Variants in ATXN1 observed in about 807,000 individuals in gnomAD.
ATXN1 encodes ataxin 1, also known as ataxin-1.
In ATXN1, 8 loss-of-function variants were observed where a neutral mutation model predicts 56.4. The ratio of observed to expected loss-of-function variants is 0.14; its 90% CI spans 0.08 to 0.26. The LOEUF is 0.26. ATXN1 is among the 10% of genes least tolerant of loss of function. The probability of loss-of-function intolerance (pLI) is 1.00; values close to 1 mark genes in which losing one functional copy is unlikely to be tolerated. For synonymous variants in ATXN1, 514 were observed against 494.6 expected (o/e 1.04, Z -0.52); for missense variants, 987 against 1,106.5 (o/e 0.89, Z 1.53).
At chr6:16,656,150 G>C (rs1321812574) in intron 3 of ATXN1, among the ~76,000 whole-genome samples, 1 of 151,886 alleles carries the variant, frequency 6.6e-6, no homozygotes, top group East Asian at 1.9e-4. Context: ...TTGACCAAAG[G>C]GCTGGCTGTC....
chr6:16,744,062 G>A (rs1760438604), intron 2 of ATXN1, among the ~76,000 whole-genome samples: 1 of 152,130 alleles, frequency 6.6e-6, no homozygotes, highest in South Asian at 2.1e-4. Flanking sequence ...GCTTCAAAGA[G>A]GAAAAACATG....
At chr6:16,576,679 T>C (rs1240514495) in intron 4 of ATXN1, among the ~76,000 whole-genome samples, 1 of 152,366 alleles carries the variant, frequency 6.6e-6, no homozygotes, top group East Asian at 1.9e-4. Flanking sequence ...GTCTTTTCCA[T>C]GTAAGAGAGC....
intron 5 of ATXN1, among the ~76,000 whole-genome samples, chr6:16,509,420 C>T (rs542395865): frequency 3.3e-5 from 5 of 152,156 alleles, no homozygotes; most frequent in Non-Finnish European, 7.4e-5. Flanking sequence ...ACAAGGAAGG[C>T]CTCTTGGAGG....
chr6:16,718,541 G>T (rs1759682826), intron 2 of ATXN1, among the ~76,000 whole-genome samples: 1 of 152,236 alleles, frequency 6.6e-6, no homozygotes, highest in Non-Finnish European at 1.5e-5. Flanking sequence ...GGTTTCCAAA[G>T]AAAATGCTTA....
At chr6:16,367,973 G>T (rs1421034695) in intron 6 of ATXN1, among the ~76,000 whole-genome samples, 6 of 152,018 alleles carry the variant, frequency 3.9e-5, no homozygotes, top group Non-Finnish European at 8.8e-5. Flanking sequence ...TTCGAGACCA[G>T]CTTGGCCAAC....
intron 4 of ATXN1, among the ~76,000 whole-genome samples, chr6:16,582,582 G>C (rs1254708092): frequency 6.6e-6 from 1 of 152,198 alleles, no homozygotes; most frequent in South Asian, 2.1e-4. Context: ...TGGTCTTGCA[G>C]ATAGGTCTTG....
At chr6:16,697,743 C>A (rs1759194700) in intron 2 of ATXN1, among the ~76,000 whole-genome samples, 1 of 152,130 alleles carries the variant, frequency 6.6e-6, no homozygotes, top group African/African-American at 2.4e-5. Context: ...TTTCTTCCTT[C>A]TGAGTATTTT....
At chr6:16,496,641 G>A (rs1359607468) in intron 5 of ATXN1, among the ~76,000 whole-genome samples, 1 of 152,120 alleles carries the variant, frequency 6.6e-6, no homozygotes, top group Non-Finnish European at 1.5e-5. Context: ...AAAGGACGCT[G>A]GCAAGATGCA....
At chr6:16,657,518 T>C (rs750771147) in intron 3 of ATXN1, among the ~76,000 whole-genome samples, 2 of 152,248 alleles carry the variant, frequency 1.3e-5, no homozygotes, top group Non-Finnish European at 2.9e-5. Flanking sequence ...TGCTTTGTTT[T>C]TGCTTTTGTT....
chr6:16,418,193 T>C (rs1758955909), intron 6 of ATXN1, among the ~76,000 whole-genome samples: 2 of 152,246 alleles, frequency 1.3e-5, no homozygotes, highest in South Asian at 2.1e-4. Context: ...TAACCCTTCC[T>C]ACTGAATGTT....
chr6:16,385,900 T>C (rs2113513493), intron 6 of ATXN1, among the ~76,000 whole-genome samples: 1 of 152,372 alleles, frequency 6.6e-6, no homozygotes, highest in Non-Finnish European at 1.5e-5. Context: ...TTTTCTCTCC[T>C]GATACAGGGC....
chr6:16,445,794 A>T (rs1415235607), intron 6 of ATXN1, among the ~76,000 whole-genome samples: 1 of 149,452 alleles, frequency 6.7e-6, no homozygotes, highest in Non-Finnish European at 1.5e-5. Flanking sequence ...TGTCCTTGTG[A>T]TAGTTTACTG....
chr6:16,621,161 C>T (rs1763312773), intron 3 of ATXN1, among the ~76,000 whole-genome samples: 1 of 152,184 alleles, frequency 6.6e-6, no homozygotes, highest in Non-Finnish European at 1.5e-5. Context: ...TCATTAGATG[C>T]CATTAGCAAT....
chr6:16,528,524 G>A (rs2237184), intron 4 of ATXN1, among the ~76,000 whole-genome samples: 44,195 of 151,896 alleles, frequency 0.29, 6,742 homozygotes, highest in Non-Finnish European at 0.34. Context: ...CCACAGTTAC[G>A]TTATCATTAT....
intron 5 of ATXN1, among the ~76,000 whole-genome samples, chr6:16,522,137 C>T (rs993851709): frequency 1.3e-5 from 2 of 152,184 alleles, no homozygotes; most frequent in African/African-American, 2.4e-5. Context: ...CATGAAGCCC[C>T]ATAAAGGTGA....
intron 2 of ATXN1, among the ~76,000 whole-genome samples, chr6:16,703,152 T>A (rs952257263): frequency 6.6e-6 from 1 of 152,046 alleles, no homozygotes; most frequent in Non-Finnish European, 1.5e-5. Flanking sequence ...TATGCAGCCA[T>A]AAAAAATGAT....
At chr6:16,332,842 T>A (rs1761022611) in intron 6 of ATXN1, among the ~76,000 whole-genome samples, 1 of 152,220 alleles carries the variant, frequency 6.6e-6, no homozygotes, top group Admixed American at 6.5e-5. Context: ...CTAGTCGAAG[T>A]GTGGTCCTCC....
At chr6:16,538,316 T>C (rs1010378696) in intron 4 of ATXN1, among the ~76,000 whole-genome samples, 1 of 152,220 alleles carries the variant, frequency 6.6e-6, no homozygotes, top group Non-Finnish European at 1.5e-5. Flanking sequence ...AGGGTTAATA[T>C]AGCACAAAGC....
chr6:16,655,657 C>A (rs1758183497), intron 3 of ATXN1, among the ~76,000 whole-genome samples: 1 of 151,934 alleles, frequency 6.6e-6, no homozygotes, highest in Admixed American at 6.6e-5. Flanking sequence ...CACTGCAGTC[C>A]AGCCTGGGCA....
Sources: gnomAD v4.1 joint callset for allele counts (sites outside exome capture counted in the v4.1 genomes callset) on GRCh38, gnomAD v4.1.1 for gene constraint, MANE v1.5 for transcripts, NCBI Gene and HGNC (gene_info 2026-07-23, HGNC 2026-07-21) for gene names.